Variants in SPAG16 observed in about 807,000 individuals in gnomAD.
SPAG16 encodes sperm associated antigen 16, also known as sperm-associated antigen 16 protein.
SPAG16 carries 86 observed loss-of-function variants against 80.4 expected under a neutral mutation model. The ratio of observed to expected loss-of-function variants is 1.07; its 90% confidence interval spans 0.90 to 1.28. SPAG16 has a LOEUF of 1.28. Ranked by LOEUF, SPAG16 falls within the 50% of genes most tolerant of loss-of-function variation. The pLI, the probability that SPAG16 is intolerant of heterozygous loss-of-function variation, is 0.00. For synonymous variants in SPAG16, 294 were observed against 265.9 expected, an observed-to-expected ratio of 1.11 and a Z score of -1.03; for missense variants, 870 against 765.3, an observed-to-expected ratio of 1.14 and a Z score of -1.61.
At chr2:213,654,209 T>C (rs1444279003) in intron 10 of SPAG16, among the ~76,000 whole-genome samples, 3 of 152,196 alleles carry the variant, frequency 2.0e-5, no homozygotes, top group Non-Finnish European at 2.9e-5. Context: ...TCTTAAATTA[T>C]TGAGAACACA....
chr2:214,197,789 GT>G (rs1400140472), intron 15 of SPAG16, among the ~76,000 whole-genome samples: 2 of 151,660 alleles, frequency 1.3e-5, no homozygotes, highest in African/African-American at 4.8e-5. Flanking sequence ...AATCACCTGT[GT>G]TTTTTATATG....
chr2:213,605,665 G>T (rs1211854899), intron 10 of SPAG16, among the ~76,000 whole-genome samples: 1 of 151,852 alleles, frequency 6.6e-6, no homozygotes, highest in East Asian at 1.9e-4. Flanking sequence ...AATTTTTTAT[G>T]TTTTTAGCAG....
chr2:213,438,675 G>A (rs1040849509), intron 9 of SPAG16, among the ~76,000 whole-genome samples: 1 of 152,172 alleles, frequency 6.6e-6, no homozygotes, highest in Non-Finnish European at 1.5e-5. Flanking sequence ...GGCAAAACCT[G>A]TAAGTATGAC....
At chr2:213,958,902 C>T (rs995655921) in intron 12 of SPAG16, among the ~76,000 whole-genome samples, 9 of 152,118 alleles carry the variant, frequency 5.9e-5, no homozygotes, top group African/African-American at 2.2e-4. Flanking sequence ...TGTCATTTTA[C>T]GCTGCAGGAC....
chr2:213,859,993 T>TTGATGA (rs112613257), intron 10 of SPAG16, among the ~76,000 whole-genome samples: 17 of 150,556 alleles, frequency 1.1e-4, no homozygotes, highest in Non-Finnish European at 2.1e-4. Flanking sequence ...TTACCATTAG[T>TTGATGA]TGATGATGAT....
At chr2:214,205,231 GAAA>G (rs1316756375) in intron 15 of SPAG16, among the ~76,000 whole-genome samples, 2 of 133,644 alleles carry the variant, frequency 1.5e-5, no homozygotes, top group Middle Eastern at 3.5e-3. Flanking sequence ...CAAAAAAAAA[GAAA>G]GAAGAAGAAG....
intron 12 of SPAG16, among the ~76,000 whole-genome samples, chr2:213,996,776 G>A (rs2046539067): frequency 2.0e-5 from 3 of 151,932 alleles, no homozygotes; most frequent in Non-Finnish European, 4.4e-5. Flanking sequence ...CACCATGTTG[G>A]CCAGGCTGGT....
At chr2:213,882,216 GC>G (rs758891676) in intron 11 of SPAG16, among the ~76,000 whole-genome samples, 92 of 152,280 alleles carry the variant, frequency 6.0e-4, no homozygotes, top group Middle Eastern at 3.4e-3. Flanking sequence ...TTGATGTGCT[GC>G]TGGATTCAGT....
At chr2:214,161,107 C>G (rs1263526591) in intron 15 of SPAG16, among the ~76,000 whole-genome samples, 1 of 152,084 alleles carries the variant, frequency 6.6e-6, no homozygotes, top group Non-Finnish European at 1.5e-5. Context: ...CCAGCTCCAT[C>G]CATGTTTCTG....
Position 214,012,802 on chromosome 2 carries a change from C to CA in SPAG16, c.1401-1141dup, listed in dbSNP as rs199835024. ...GAGAAACAGCCTTTTCGTAAAATGG[C>CA]AAAAAAAACACAGCTGCAGTTATCC... On this transcript the variant is annotated intron_variant, in intron 12 of 15. Coordinates refer to ENST00000331683, the MANE Select transcript of SPAG16 (RefSeq NM_024532.5). Among the ~76,000 whole-genome samples the CA allele has an allele frequency of 1.3e-4, 19 of 151,538 alleles. No homozygotes were observed. The East Asian group carries it at 1.4e-3, about 11-fold the overall frequency.
chr2:213,499,859 A>G (rs1035589105), intron 10 of SPAG16, among the ~76,000 whole-genome samples: 2 of 152,120 alleles, frequency 1.3e-5, no homozygotes, highest in African/African-American at 4.8e-5. Flanking sequence ...TGTTTTCTCA[A>G]CAGTCATCCC....
intron 10 of SPAG16, among the ~76,000 whole-genome samples, chr2:213,542,631 C>T (rs967412303): frequency 2.0e-5 from 3 of 151,888 alleles, no homozygotes; most frequent in Non-Finnish European, 4.4e-5. Flanking sequence ...ACAACAAATA[C>T]TAAGTATAAG....
At chr2:213,587,225 T>C (rs890123823) in intron 10 of SPAG16, among the ~76,000 whole-genome samples, 6 of 152,156 alleles carry the variant, frequency 3.9e-5, no homozygotes, top group Non-Finnish European at 8.8e-5. Flanking sequence ...TCCTTCTAAA[T>C]CTAGATAGAA....
intron 9 of SPAG16, among the ~76,000 whole-genome samples, chr2:213,462,884 A>G (rs1469092139): frequency 2.0e-5 from 3 of 152,212 alleles, no homozygotes; most frequent in South Asian, 2.1e-4. Flanking sequence ...TGCTATCAAG[A>G]TACCCCAAAA....
At chr2:214,277,516 T>C (rs1158166888) in intron 15 of SPAG16, among the ~76,000 whole-genome samples, 1 of 152,210 alleles carries the variant, frequency 6.6e-6, no homozygotes, top group Non-Finnish European at 1.5e-5. Flanking sequence ...CCTTTCTGTT[T>C]GTTAGTTTTC....
intron 10 of SPAG16, among the ~76,000 whole-genome samples, chr2:213,508,219 A>T (rs569663518): frequency 6.6e-5 from 10 of 152,322 alleles, no homozygotes; most frequent in African/African-American, 2.4e-4. Flanking sequence ...TCCAACAATG[A>T]TAGACTGGAT....
At chr2:213,905,734 G>T (rs2077403698) in intron 11 of SPAG16, among the ~76,000 whole-genome samples, 1 of 152,150 alleles carries the variant, frequency 6.6e-6, no homozygotes, top group Non-Finnish European at 1.5e-5. Context: ...GAAAAATAAA[G>T]CAGGGAAGGA....
intron 15 of SPAG16, among the ~76,000 whole-genome samples, chr2:214,261,281 G>T (rs753222758): frequency 6.6e-6 from 1 of 150,546 alleles, no homozygotes; most frequent in Non-Finnish European, 1.5e-5. Context: ...ATCACATACC[G>T]TTCACTCACA....
intron 10 of SPAG16, among the ~76,000 whole-genome samples, chr2:213,575,877 A>G (rs2060106056): frequency 6.6e-6 from 1 of 152,176 alleles, no homozygotes; most frequent in South Asian, 2.1e-4. Flanking sequence ...AATTTCTGAT[A>G]ATAAGTATAT....
Sources: gnomAD v4.1 joint callset for allele counts (sites outside exome capture counted in the v4.1 genomes callset) on GRCh38, gnomAD v4.1.1 for gene constraint, MANE v1.5 for transcripts, NCBI Gene and HGNC (gene_info 2026-07-23, HGNC 2026-07-21) for gene names.